UGT1A8: variants seen among roughly 807,000 people sequenced by gnomAD.
UGT1A8 encodes the protein UDP glucuronosyltransferase family 1 member A8, also known as UDP-glucuronosyltransferase 1A8.
In UGT1A8, 39 loss-of-function variants were observed where a neutral mutation model predicts 45.3. The observed-to-expected ratio is 0.86, with a 90% confidence interval of 0.67 to 1.12. UGT1A8 has a LOEUF of 1.12. Among genes scored for constraint, UGT1A8 ranks in the 50% most tolerant of loss-of-function variants. The pLI is 0.00. For synonymous variants in UGT1A8, 275 were observed against 249.2 expected (o/e 1.10, Z -0.97); for missense variants, 719 against 664.9 (o/e 1.08, Z -0.90).
intron 1 of UGT1A8, among the ~76,000 whole-genome samples, chr2:233,745,069 T>C (rs1371401376): frequency 2.0e-5 from 3 of 151,904 alleles, no homozygotes; most frequent in African/African-American, 7.3e-5. Flanking sequence ...ATTATTTGTA[T>C]TGTTTTTTCA....
chr2:233,754,935 A>G, intron 1 of UGT1A8: 2 of 1,340,028 alleles, frequency 1.5e-6, no homozygotes, highest in Non-Finnish European at 2.0e-6. Context: ...CAAGAGGTCA[A>G]AGGAGAATGG....
chr2:233,670,002 T>C (rs969557538), intron 1 of UGT1A8, among the ~76,000 whole-genome samples: 2 of 152,024 alleles, frequency 1.3e-5, no homozygotes, highest in African/African-American at 4.8e-5. Flanking sequence ...AATTTTTGAC[T>C]CCCTAAAAAT....
intron 1 of UGT1A8, among the ~76,000 whole-genome samples, chr2:233,665,922 C>T (rs2074068259): frequency 6.6e-6 from 1 of 152,170 alleles, no homozygotes; most frequent in Non-Finnish European, 1.5e-5. Flanking sequence ...AGAGGTCCAG[C>T]TGTTCATACT....
At chr2:233,664,475 T>G (rs577112559) in intron 1 of UGT1A8, among the ~76,000 whole-genome samples, 14 of 152,344 alleles carry the variant, frequency 9.2e-5, no homozygotes, top group Admixed American at 5.9e-4. Context: ...AAAAGAGGTT[T>G]AATTGGCTCA....
At chr2:233,633,337 G>A (rs750205143) in intron 1 of UGT1A8, among the ~76,000 whole-genome samples, 1 of 152,146 alleles carries the variant, frequency 6.6e-6, no homozygotes, top group Non-Finnish European at 1.5e-5. Flanking sequence ...AATGAGTTAT[G>A]GAGGAGTCCC....
intron 1 of UGT1A8, among the ~76,000 whole-genome samples, chr2:233,628,294 A>G (rs1292988960): frequency 6.6e-6 from 1 of 151,678 alleles, no homozygotes; most frequent in Non-Finnish European, 1.5e-5. Context: ...ATTTTTAGAT[A>G]TTTCTAGTTT....
intron 1 of UGT1A8, among the ~76,000 whole-genome samples, chr2:233,707,025 GC>G (rs141517421): frequency 6.6e-6 from 1 of 152,288 alleles, no homozygotes; most frequent in East Asian, 1.9e-4. Flanking sequence ...TGGTCAGCCA[GC>G]CCCCAAGGTA....
rs2074100630 is a variant in UGT1A8 at position 233,667,382 on chromosome 2, CAAGA to C, written c.855+48821_855+48824del. ...CTTACACCTTATACAAAAATTAATT[CAAGA>C]TGGATTAAAGACTTAAATGTTAGAC... On this transcript the variant is annotated intron_variant, in intron 1 of 4. Transcript: ENST00000373450. 2.5e-4 allele frequency among the ~76,000 whole-genome samples: 38 copies of C among 152,264 alleles called. No individual in the cohort carries two copies. In the South Asian group the frequency reaches 7.7e-3, roughly 31 times the overall value.
rs1025205090 is a variant in UGT1A8, at chr2:233,748,083, G to A, written c.856-18951G>A. 35 of 1,612,864 alleles carry A rather than the reference G, an allele frequency of 2.2e-5. No homozygotes were observed. In the Middle Eastern group the frequency reaches 5.0e-4, roughly 23 times the overall value. On this transcript the variant is annotated intron_variant, in intron 1 of 4. Transcript: ENST00000373450. ...CAACAGGAAGCCACTATCTCAGGTC[G>A]GTGTTCGTGCCTTCATCCAATCAAT... is the stretch of plus-strand genomic sequence containing the variant.
chr2:233,763,199 G>A (rs1698259470), intron 1 of UGT1A8, among the ~76,000 whole-genome samples: 1 of 152,320 alleles, frequency 6.6e-6, no homozygotes, highest in African/African-American at 2.4e-5. Context: ...CTTGTTTGGT[G>A]CAGTCAGGCT....
intron 1 of UGT1A8, chr2:233,754,665 A>AT (rs752229414): frequency 4.5e-5 from 21 of 465,290 alleles, no homozygotes; most frequent in South Asian, 1.9e-4. Flanking sequence ...CTTGGTGGTG[A>AT]TTTTTTTACC....
intron 1 of UGT1A8, among the ~76,000 whole-genome samples, chr2:233,679,330 A>G (rs1187073119): frequency 4.6e-5 from 7 of 152,166 alleles, no homozygotes; most frequent in Non-Finnish European, 8.8e-5. Context: ...ACGCGTTCTT[A>G]TTGTTGAGTC....
chr2:233,745,758 T>G (rs1376334947), intron 1 of UGT1A8, among the ~76,000 whole-genome samples: 23 of 128,998 alleles, frequency 1.8e-4, no homozygotes, highest in East Asian at 4.6e-4. Context: ...GCAGAAGGGG[T>G]GGAGAGGAGG....
At chr2:233,635,357 G>C (rs931058007) in intron 1 of UGT1A8, among the ~76,000 whole-genome samples, 2 of 150,814 alleles carry the variant, frequency 1.3e-5, no homozygotes, top group African/African-American at 2.5e-5. Flanking sequence ...TGTCTTGCTA[G>C]GCTGGGGAAG....
intron 1 of UGT1A8, among the ~76,000 whole-genome samples, chr2:233,629,752 T>A (rs935924006): frequency 6.6e-5 from 10 of 152,296 alleles, no homozygotes; most frequent in Admixed American, 2.0e-4. Context: ...TGAGCTTCAC[T>A]TTGTTTTGTG....
intron 1 of UGT1A8, chr2:233,690,841 G>T: frequency 9.4e-7 from 1 of 1,069,274 alleles, no homozygotes; most frequent in South Asian, 2.9e-5. Context: ...AAAGAAAAAT[G>T]TTTTCTAATA....
At chr2:233,670,722 G>A (rs2741044) in intron 1 of UGT1A8, among the ~76,000 whole-genome samples, 32,941 of 152,054 alleles carry the variant, frequency 0.22, 4,575 homozygotes, top group South Asian at 0.33. Flanking sequence ...AATTAGAGAT[G>A]TTGGGTTTGC....
At chr2:233,766,435 T>C (rs913964749) in intron 1 of UGT1A8, among the ~76,000 whole-genome samples, 5 of 152,184 alleles carry the variant, frequency 3.3e-5, no homozygotes, top group African/African-American at 1.2e-4. Flanking sequence ...TCCAGCTACC[T>C]GTGTGTCTGC....
intron 1 of UGT1A8, chr2:233,718,717 C>T (rs1286763118): frequency 2.5e-5 from 40 of 1,608,524 alleles, no homozygotes; most frequent in Non-Finnish European, 3.2e-5. Context: ...CAATTACATG[C>T]TGATTTGCTA....
Sources: allele counts gnomAD v4.1 joint callset (sites outside exome capture counted in the v4.1 genomes callset), GRCh38; gene constraint gnomAD v4.1.1; transcripts MANE v1.5; gene names NCBI Gene and HGNC (gene_info 2026-07-23, HGNC 2026-07-21).